STARD9: variants seen among roughly 807,000 people sequenced by gnomAD.
The protein encoded by STARD9 is stAR-related lipid transfer protein 9.
In STARD9, 346 loss-of-function variants were observed where a neutral mutation model predicts 399.8. The observed-to-expected ratio is 0.87, with a 90% CI of 0.79 to 0.95. The LOEUF (loss-of-function observed/expected upper bound fraction) is 0.95. STARD9 is among the 40% of genes least tolerant of loss of function. The probability of loss-of-function intolerance (pLI) is 0.00; values close to 1 mark genes in which losing one functional copy is unlikely to be tolerated. For synonymous variants in STARD9, 2,203 were observed against 2,143.5 expected (o/e 1.03, Z -0.77); for missense variants, 5,832 against 5,667.5 (o/e 1.03, Z -0.93).
chr15:42,586,278 C>T (rs2058275738), intron 3 of STARD9, among the ~76,000 whole-genome samples: 1 of 152,202 alleles, frequency 6.6e-6, no homozygotes, highest in Non-Finnish European at 1.5e-5. Context: ...AAGGGCTAGA[C>T]AGCTAGTCAG....
chr15:42,701,276 T>C (rs974723291), intron 26 of STARD9, among the ~76,000 whole-genome samples: 1 of 152,222 alleles, frequency 6.6e-6, no homozygotes. Context: ...ATTTTTTCTA[T>C]GAAGAATGTT....
chr15:42,576,116 G>T (rs1339194233), intron 1 of STARD9, among the ~76,000 whole-genome samples: 3 of 152,280 alleles, frequency 2.0e-5, no homozygotes, highest in South Asian at 4.1e-4. Context: ...CTTTCTGGGG[G>T]CTTGGGAGTA....
intron 8 of STARD9, among the ~76,000 whole-genome samples, chr15:42,652,030 G>T (rs2059771172): frequency 6.6e-6 from 1 of 152,150 alleles, no homozygotes; most frequent in Admixed American, 6.5e-5. Flanking sequence ...TCATTTCCAA[G>T]ATCTTTCTGA....
intron 7 of STARD9, among the ~76,000 whole-genome samples, chr15:42,650,439 C>A (rs557173737): frequency 3.9e-5 from 6 of 152,302 alleles, no homozygotes; most frequent in South Asian, 2.1e-4. Flanking sequence ...TCTAAAGCCT[C>A]CCCATTCTAT....
intron 16 of STARD9, chr15:42,672,993 A>G (rs9944248): frequency 0.39 from 59,043 of 152,076 alleles, 17,542 homozygotes; most frequent in African/African-American, 0.83. Flanking sequence ...AGCTACTCGG[A>G]AGGCTGAGGC....
intron 26 of STARD9, among the ~76,000 whole-genome samples, chr15:42,701,545 G>A (rs2140336690): frequency 6.6e-6 from 1 of 152,180 alleles, no homozygotes; most frequent in South Asian, 2.1e-4. Context: ...CAGATAGTTT[G>A]CTTTTGGTCT....
chr15:42,596,763 A>G (rs575951981), intron 3 of STARD9, among the ~76,000 whole-genome samples: 53 of 152,368 alleles, frequency 3.5e-4, no homozygotes, highest in African/African-American at 1.3e-3. Context: ...GAAAGCAGAT[A>G]ACGGCATAAA....
chr15:42,635,423 G>A (rs1242816704), intron 4 of STARD9, among the ~76,000 whole-genome samples: 4 of 151,894 alleles, frequency 2.6e-5, no homozygotes, highest in Admixed American at 6.6e-5. Flanking sequence ...TCCGCCTCCC[G>A]GGTTCACGCT....
In STARD9 at chr15:42,692,260, G is replaced by C; in HGVS notation, c.10682G>C (p.Ser3561Thr). Residue 3561 changes from serine (S) to threonine (T), a missense_variant, in exon 23 of 33, where the codon AGT becomes ACT. Physicochemically the swap from Ser to Thr is moderately conservative, Grantham distance 58 (BLOSUM62 1). This residue lies in a region of STARD9 where 5,828 missense variants were observed against 5,651.1 expected (regional missense o/e 1.03). Transcript: ENST00000290607. ...GAGGCCTGGGAAGTATTCCGAGGGA[G>C]TTCTTCAATTGCCTTAGGAGACCCC... ...SNEAWEVFRG[S>T]SSIALGDPHI... 6.5e-7 allele frequency: 1 copy of C among 1,537,020 alleles called. No homozygotes were observed. The highest frequency in any genetic ancestry group is 8.7e-7 in the Non-Finnish European group (1 of 1,146,870).
intron 7 of STARD9, among the ~76,000 whole-genome samples, chr15:42,641,466 T>G (rs556023811): frequency 6.6e-6 from 1 of 152,110 alleles, no homozygotes; most frequent in Non-Finnish European, 1.5e-5. Context: ...GCTGCACCCA[T>G]TAACTCTTCA....
chr15:42,604,851 C>G (rs1337908799), intron 3 of STARD9, among the ~76,000 whole-genome samples: 1 of 151,986 alleles, frequency 6.6e-6, no homozygotes, highest in Non-Finnish European at 1.5e-5. Context: ...CTATGTTGCT[C>G]AGGCTGGTCT....
rs1428875430 is a variant in STARD9 at position 42,690,557 on chromosome 15, T to C, written c.8979T>C (p.Thr2993=). The change falls in exon 23 of 33, where the codon ACT becomes ACC. Residue 2993 remains threonine (T), a synonymous_variant. Transcript: ENST00000290607. ...AGCCTTTCAAGGCTGCCCCACATAC[T>C]ATCCACCCACCCTGTGTAGTACCTT... ...GKEPFKAAPH[T]IHPPCVVPSR... The C allele has an allele frequency of 3.3e-6, 5 of 1,537,046 alleles. No individual in the cohort carries two copies. The highest frequency in any genetic ancestry group is 3.5e-6 in the Non-Finnish European group (4 of 1,146,898).
intron 3 of STARD9, among the ~76,000 whole-genome samples, chr15:42,625,392 G>A (rs902961236): frequency 1.4e-5 from 2 of 146,938 alleles, no homozygotes; most frequent in African/African-American, 5.1e-5. Flanking sequence ...GTGCAGTGGC[G>A]CGATCTCGGC....
In STARD9 at chr15:42,694,188, C is replaced by G; in HGVS notation, c.12610C>G (p.Gln4204Glu). 1 of 1,535,806 alleles carries G rather than the reference C, an allele frequency of 6.5e-7. No homozygotes were observed. The highest frequency in any genetic ancestry group is 8.7e-7 in the Non-Finnish European group (1 of 1,146,248). ...GCAGATCCCCCTGCAAGTTGGGGCCCAGAACCTCTCACTCAGCGTGGAACT... is the reference window on the plus strand; with the variant it reads ...GCAGATCCCCCTGCAAGTTGGGGCCGAGAACCTCTCACTCAGCGTGGAACT... ...REQIPLQVGA[Q>E]NLSLSVELTE... Residue 4204 changes from glutamine (Q) to glutamate (E), a missense_variant, in exon 23 of 33, where the codon CAG (glutamine) becomes GAG (glutamate). This residue lies in a region of STARD9 where 5,828 missense variants were observed against 5,651.1 expected (regional missense o/e 1.03). Transcript: ENST00000290607.
intron 26 of STARD9, among the ~76,000 whole-genome samples, chr15:42,712,158 C>T (rs2061255878): frequency 2.0e-5 from 1 of 49,344 alleles, no homozygotes; most frequent in Admixed American, 2.8e-4. Context: ...TATATGTCTT[C>T]TTTGGAGAAA....
At position 42,689,733 on chromosome 15, in the gene STARD9, G is replaced by A; in HGVS notation, c.8155G>A (p.Ala2719Thr). 6.5e-7 allele frequency: 1 copy of A among 1,537,832 alleles called. No homozygotes were observed. ...AACACCTTCCTCAGCTGATCCTTTG[G>A]CCCCAGACAGTCCTCGTTCTTCAGC... ...TRTPSSADPLAPDSPRSSAPV... is the reference protein window; with the variant it reads ...TRTPSSADPLTPDSPRSSAPV... Residue 2719 changes from alanine (A) to threonine (T), a missense_variant, in exon 23 of 33, where the codon GCC becomes ACC. Transcript: ENST00000290607.
intron 3 of STARD9, among the ~76,000 whole-genome samples, chr15:42,616,687 C>A (rs763038765): frequency 6.6e-6 from 1 of 151,852 alleles, no homozygotes; most frequent in East Asian, 1.9e-4. Context: ...GTCAGGAGAT[C>A]GAGACCATCC....
At chr15:42,614,597 A>G (rs1392650839) in intron 3 of STARD9, among the ~76,000 whole-genome samples, 2 of 152,212 alleles carry the variant, frequency 1.3e-5, no homozygotes, top group African/African-American at 2.4e-5. Flanking sequence ...TGGGAAAGCC[A>G]TCTGGCAATA....
chr15:42,674,637 G>A, intron 17 of STARD9, 146 bp downstream of exon 17: 1 of 1,207,506 alleles, frequency 8.3e-7, no homozygotes, highest in Non-Finnish European at 1.1e-6. Flanking sequence ...TAGGTTTCAG[G>A]TCTGGGACGT....
Sources: gnomAD v4.1 joint callset for allele counts (sites outside exome capture counted in the v4.1 genomes callset) on GRCh38, gnomAD v4.1.1 for gene constraint, gnomAD v4.1.1 regional missense constraint, MANE v1.5 for transcripts, NCBI Gene and HGNC (gene_info 2026-07-23, HGNC 2026-07-21) for gene names.